FAM200B: variants seen among roughly 807,000 people sequenced by gnomAD.
The protein encoded by FAM200B is protein FAM200B.
FAM200B carries 32 observed loss-of-function variants against 33.1 expected under a neutral mutation model. That is an observed-to-expected ratio of 0.97 (90% CI 0.73 to 1.30). The LOEUF (loss-of-function observed/expected upper bound fraction) is 1.30. Among genes scored for constraint, FAM200B ranks in the 50% most tolerant of loss-of-function variants. The pLI, the probability that FAM200B is intolerant of heterozygous loss-of-function variation, is 0.00. For missense variants in FAM200B, 741 were observed against 754.0 expected, an observed-to-expected ratio of 0.98 and a Z score of 0.20; for synonymous variants, 240 against 264.8, an observed-to-expected ratio of 0.91 and a Z score of 0.91.
the FAM200B span, among the ~76,000 whole-genome samples, chr4:15,673,191 G>C: frequency 0.29 from 43,484 of 152,030 alleles, 6,462 homozygotes; most frequent in East Asian, 0.47. Context: ...CCTGTAATAA[G>C]CACTTTGGGA....
the FAM200B span, among the ~76,000 whole-genome samples, chr4:15,670,592 T>C: frequency 2.4e-3 from 359 of 152,312 alleles, 3 homozygotes; most frequent in Non-Finnish European, 6.9e-4. Context: ...ATATAGCCAG[T>C]GGTTCTCAAC....
the FAM200B span, among the ~76,000 whole-genome samples, chr4:15,646,198 TA>T: frequency 6.6e-6 from 1 of 152,208 alleles, no homozygotes; most frequent in East Asian, 1.9e-4. Context: ...TGTATTTCCA[TA>T]AAACTTTATA....
upstream of FAM200B, among the ~76,000 whole-genome samples, chr4:15,680,706 A>C (rs1297748061): frequency 6.6e-6 from 1 of 152,076 alleles, no homozygotes; most frequent in Non-Finnish European, 1.5e-5. Context: ...CAGTTGGAGA[A>C]TCAAAAATTT....
chr4:15,641,791 C>A, the FAM200B span, among the ~76,000 whole-genome samples: 1 of 152,102 alleles, frequency 6.6e-6, no homozygotes, highest in Non-Finnish European at 1.5e-5. Context: ...CTTTGGGACG[C>A]AGAGGCAGGC....
At chr4:15,645,121 C>A in the FAM200B span, among the ~76,000 whole-genome samples, 1 of 151,738 alleles carries the variant, frequency 6.6e-6, no homozygotes, top group African/African-American at 2.4e-5. Flanking sequence ...GCTACTAACA[C>A]CATACCTCCT....
At chr4:15,650,238 T>C in the FAM200B span, among the ~76,000 whole-genome samples, 1 of 152,210 alleles carries the variant, frequency 6.6e-6, no homozygotes, top group Non-Finnish European at 1.5e-5. Flanking sequence ...ATGTCAATAA[T>C]GCTTTGGTTA....
At chr4:15,662,915 T>C in the FAM200B span, among the ~76,000 whole-genome samples, 1 of 152,226 alleles carries the variant, frequency 6.6e-6, no homozygotes, top group Non-Finnish European at 1.5e-5. Context: ...TTTGTCAGAA[T>C]AATCTTTCTG....
chr4:15,671,927 T>C, the FAM200B span, among the ~76,000 whole-genome samples: 1 of 152,346 alleles, frequency 6.6e-6, no homozygotes, highest in African/African-American at 2.4e-5. Flanking sequence ...CTCTACTTTT[T>C]GAACATATGG....
At chr4:15,638,784 G>A in the FAM200B span, 23 of 772,488 alleles carry the variant, frequency 3.0e-5, no homozygotes, top group South Asian at 4.1e-5. Context: ...CTCGAATGTC[G>A]TATTATGACC....
upstream of FAM200B, among the ~76,000 whole-genome samples, chr4:15,678,864 TCTCA>T (rs973124507): frequency 6.6e-6 from 1 of 152,176 alleles, no homozygotes; most frequent in Non-Finnish European, 1.5e-5. Flanking sequence ...AAATTCTGTT[TCTCA>T]CTCTACTGTT....
chr4:15,644,644 G>GT, the FAM200B span: 1 of 1,614,080 alleles, frequency 6.2e-7, no homozygotes, highest in African/African-American at 1.3e-5. Flanking sequence ...CTCCTTGAAA[G>GT]TAGCATACAA....
the FAM200B span, among the ~76,000 whole-genome samples, chr4:15,666,737 C>T: frequency 6.6e-6 from 1 of 151,942 alleles, no homozygotes; most frequent in Non-Finnish European, 1.5e-5. Context: ...GAGGCTGAGG[C>T]TTGAGCCTGG....
the FAM200B span, chr4:15,641,706 A>G: frequency 2.3e-6 from 1 of 429,556 alleles, no homozygotes; most frequent in Non-Finnish European, 4.6e-6. Context: ...CCTAATCCCC[A>G]TGTTGTTCAA....
chr4:15,651,049 G>T, the FAM200B span, among the ~76,000 whole-genome samples: 1 of 152,168 alleles, frequency 6.6e-6, no homozygotes, highest in Non-Finnish European at 1.5e-5. Flanking sequence ...TTCAAAAATA[G>T]ATAAGAAAAC....
At chr4:15,661,346 G>A in the FAM200B span, among the ~76,000 whole-genome samples, 5 of 152,100 alleles carry the variant, frequency 3.3e-5, no homozygotes, top group African/African-American at 1.2e-4. Context: ...ATCTGTAAAG[G>A]GATAGTGAGT....
intron 1 of FAM200B, among the ~76,000 whole-genome samples, chr4:15,682,176 A>G (rs77066349): frequency 6.6e-6 from 1 of 152,342 alleles, no homozygotes; most frequent in East Asian, 1.9e-4. Context: ...TAATCTAGCT[A>G]AAGCTGGTAC....
the FAM200B span, among the ~76,000 whole-genome samples, chr4:15,655,656 G>A: frequency 6.6e-6 from 1 of 152,204 alleles, no homozygotes; most frequent in African/African-American, 2.4e-5. Flanking sequence ...CGCTTCTCCC[G>A]TTGCTGCCCT....
rs1371221326 is a variant in FAM200B at position 15,690,223 on chromosome 4, T to C, written c.*1272T>C. Reference sequence around the variant, plus strand: ...GCAATGTATATTGTGTAATATACAATGTAGTCTTCAAACTAATTTCAACTT... The same window carrying C: ...GCAATGTATATTGTGTAATATACAACGTAGTCTTCAAACTAATTTCAACTT... On this transcript the variant is annotated 3_prime_UTR_variant, in exon 2 of 2. Coordinates refer to ENST00000422728, the MANE Select transcript of FAM200B (RefSeq NM_001145191.2). 1.2e-5 allele frequency: 2 copies of C among 167,090 alleles called. No individual in the cohort carries two copies. Among genetic ancestry groups the C allele is most frequent in the African/African-American group, 2.4e-5 (1 of 41,458 alleles). The allele number at this position is 167,090 out of a possible 1,614,324, so 10.4% of individuals were successfully genotyped here. A position where few individuals can be genotyped will look rare whatever the true frequency, so the allele number is the denominator to read the frequency against.
At chr4:15,658,790 T>G in the FAM200B span, among the ~76,000 whole-genome samples, 1 of 152,322 alleles carries the variant, frequency 6.6e-6, no homozygotes, top group African/African-American at 2.4e-5. Context: ...TTAATCTACT[T>G]TCTCGATAGC....
Sources: allele counts gnomAD v4.1 joint callset (sites outside exome capture counted in the v4.1 genomes callset), GRCh38; gene constraint gnomAD v4.1.1; transcripts MANE v1.5; gene names NCBI Gene and HGNC (gene_info 2026-07-23, HGNC 2026-07-21).